The following ADARB1 variants were observed in gnomAD, a reference collection of about 807,000 sequenced individuals.
ADARB1 encodes the protein double-stranded RNA-specific editase 1.
In ADARB1, 10 loss-of-function variants were observed where a neutral mutation model predicts 52.4. That is an observed-to-expected ratio of 0.19 (90% confidence interval 0.12 to 0.32). The LOEUF (loss-of-function observed/expected upper bound fraction) is 0.32. Ranked by LOEUF, ADARB1 falls within the 10% of genes least tolerant of loss-of-function variation. ADARB1 has a pLI of 1.00. For missense variants in ADARB1, 643 were observed against 922.3 expected (o/e 0.70, Z 3.92); for synonymous variants, 349 against 371.1 (o/e 0.94, Z 0.68).
At position 45,176,387 on chromosome 21, in the gene ADARB1, C is replaced by G; in HGVS notation, c.686C>G (p.Pro229Arg). 1 of 1,614,208 alleles carries G rather than the reference C, an allele frequency of 6.2e-7. No homozygotes were observed. The highest frequency in any genetic ancestry group is 8.5e-7 in the Non-Finnish European group (1 of 1,180,036). Residue 229 changes from proline to arginine, a missense_variant, in exon 4 of 11, where the codon CCA becomes CGA. Around this residue, in one of 2 missense-constraint regions of ADARB1, gnomAD observed 380 missense variants for 446.5 expected, o/e 0.85. Transcript: ENST00000348831. The surrounding 1 kb of genome is among the most constrained non-coding windows in gnomAD (Gnocchi z 5.8). ...QPPLPVLPPF[P>R]PPSGKNPVMI... is the part of the protein sequence containing the mutation. ...CCTCTCCCTGTCTTACCACCATTCC[C>G]ACCCCCGAGTGGGAAGAATCCCGTG...
chr21:45,225,451 GA>G lies in ADARB1; in HGVS notation c.*3256del. On this transcript the variant is annotated 3_prime_UTR_variant, in exon 11 of 11. Transcript: ENST00000348831. ...ATCTCACAAGGCATGGATTTCTGTG[GA>G]ATTTATTTTTATTCAAATAACCATA... 2 of 1,306,846 alleles carry G rather than the reference GA, an allele frequency of 1.5e-6. No homozygotes were observed. Among genetic ancestry groups the G allele is most frequent in the Non-Finnish European group, 2.0e-6 (2 of 1,021,302 alleles). The allele number at this position is 1,306,846 out of a possible 1,614,324, so 81.0% of individuals were successfully genotyped here. A position where few individuals can be genotyped will look rare whatever the true frequency, so the allele number is the denominator to read the frequency against.
intron 2 of ADARB1, among the ~76,000 whole-genome samples, chr21:45,139,508 A>G (rs867576884): frequency 1.3e-5 from 2 of 151,566 alleles, no homozygotes; most frequent in South Asian, 2.1e-4. Flanking sequence ...CCTGGCATGG[A>G]GTGGTAGAGC....
chr21:45,081,643 G>A (rs1202666859), intron 1 of ADARB1, among the ~76,000 whole-genome samples: 2 of 152,138 alleles, frequency 1.3e-5, no homozygotes, highest in African/African-American at 2.4e-5. Context: ...TGTCTTTATT[G>A]GCATGACCGA....
intron 1 of ADARB1, among the ~76,000 whole-genome samples, chr21:45,084,450 G>A (rs2086263590): frequency 6.6e-6 from 1 of 152,208 alleles, no homozygotes. Context: ...TTAGGAGGCA[G>A]GATTGAGAGA....
In ADARB1 at chr21:45,083,889, C is replaced by T. The variant is rs547717776; in HGVS notation, c.-220+9096C>T. On this transcript the variant is annotated intron_variant, in intron 1 of 10. Coordinates refer to ENST00000348831, the MANE Select transcript of ADARB1 (RefSeq NM_001112.4). ...CTAATTTTTGTATTTTTTGTAGAGACGGGGTTTTACCGTGTTGCCCAGGCT... is the reference window on the plus strand; with the variant it reads ...CTAATTTTTGTATTTTTTGTAGAGATGGGGTTTTACCGTGTTGCCCAGGCT... 2.6e-3 allele frequency among the ~76,000 whole-genome samples: 396 copies of T among 152,228 alleles called. 1 individual carries two copies. The highest frequency in any genetic ancestry group is 2.9e-3 in the Non-Finnish European group (199 of 68,020).
rs3215898 is a variant in ADARB1 at position 45,204,519 on chromosome 21, GA to G, written c.1566-35del. The stretch of plus-strand genomic sequence containing the variant: ...GCTGGGCTGCGTCGACACTGAGTCC[GA>G]GCTCCCTGAAGACTGTGCTTTCTTC... On this transcript the variant is annotated intron_variant, in intron 8 of 10. Coordinates refer to ENST00000348831, the MANE Select transcript of ADARB1 (RefSeq NM_001112.4). The surrounding 1 kb of genome is among the most constrained non-coding windows in gnomAD (Gnocchi z 4.4). 0.094 allele frequency: 151,331 copies of G among 1,605,974 alleles called. 9,406 individuals carry two copies. Among genetic ancestry groups the G allele is most frequent in the African/African-American group, 0.28 (20,985 of 74,860 alleles).
intron 8 of ADARB1, among the ~76,000 whole-genome samples, chr21:45,193,623 A>G (rs1299404034): frequency 2.0e-5 from 3 of 152,260 alleles, no homozygotes; most frequent in Non-Finnish European, 4.4e-5. Flanking sequence ...ATACTTATCT[A>G]TGTAGGAAAT....
At chr21:45,168,159 C>G (rs2091330863) in intron 2 of ADARB1, among the ~76,000 whole-genome samples, 1 of 152,012 alleles carries the variant, frequency 6.6e-6, no homozygotes, top group Admixed American at 6.5e-5. Flanking sequence ...TCTTCGTGTC[C>G]TTTGCCCATT....
intron 2 of ADARB1, among the ~76,000 whole-genome samples, chr21:45,163,704 C>T (rs2091101904): frequency 6.6e-6 from 1 of 152,202 alleles, no homozygotes; most frequent in Admixed American, 6.5e-5. Context: ...CTGGGGGCTG[C>T]TGGGGCCTAT....
rs183543242 is a variant in ADARB1, at chr21:45,081,195, G to A, written c.-220+6402G>A. ...GAGTGCCTGCTCTGTGTGAGTCATCGTGGGAGGATGCGGTGGAGAAGGACA... is the reference window on the plus strand; with the variant it reads ...GAGTGCCTGCTCTGTGTGAGTCATCATGGGAGGATGCGGTGGAGAAGGACA... On this transcript the variant is annotated intron_variant, in intron 1 of 10. Transcript: ENST00000348831. Among the ~76,000 whole-genome samples the A allele has an allele frequency of 5.3e-5, 8 of 152,250 alleles. No individual in the cohort carries two copies. The East Asian group carries it at 9.7e-4, about 18-fold the overall frequency.
chr21:45,212,738 G>C (rs909398659), intron 9 of ADARB1, among the ~76,000 whole-genome samples: 2 of 152,060 alleles, frequency 1.3e-5, no homozygotes, highest in Non-Finnish European at 2.9e-5. Context: ...AAGAAACCAT[G>C]CCAGCTACTT....
chr21:45,101,726 C>T (rs1283367894), intron 1 of ADARB1, among the ~76,000 whole-genome samples: 1 of 152,106 alleles, frequency 6.6e-6, no homozygotes, highest in Non-Finnish European at 1.5e-5. Context: ...ATACTTAATA[C>T]ACAAGCTTTT....
intron 8 of ADARB1, among the ~76,000 whole-genome samples, chr21:45,196,033 A>G (rs903502859): frequency 6.6e-6 from 1 of 152,226 alleles, no homozygotes; most frequent in African/African-American, 2.4e-5. Flanking sequence ...TAAATATGGA[A>G]TATCCATTTA....
chr21:45,125,713 C>T (rs542418148), intron 1 of ADARB1, among the ~76,000 whole-genome samples: 3 of 152,378 alleles, frequency 2.0e-5, no homozygotes, highest in East Asian at 3.9e-4. Flanking sequence ...GGCTTTTTCT[C>T]TTGTGTTCCC....
chr21:45,180,673 TTAA>T (rs2091899589), intron 5 of ADARB1, among the ~76,000 whole-genome samples: 1 of 152,222 alleles, frequency 6.6e-6, no homozygotes, highest in South Asian at 2.1e-4. Context: ...GCACACTATA[TTAA>T]TATTTGATTC....
chr21:45,116,959 AC>A (rs1740481446), intron 1 of ADARB1: 1 of 151,852 alleles, frequency 6.6e-6, no homozygotes, highest in African/African-American at 2.4e-5. Context: ...TGGTTACTCT[AC>A]CTATTTGTGT....
intron 1 of ADARB1, among the ~76,000 whole-genome samples, chr21:45,107,362 G>A (rs1315692322): frequency 1.3e-5 from 2 of 152,030 alleles, no homozygotes; most frequent in African/African-American, 4.8e-5. Context: ...TCTTGGGCTG[G>A]ACATGTCGAT....
rs1235989531 is a variant in ADARB1 at position 45,204,955 on chromosome 21, A to G, written c.1747+219A>G. Among the ~76,000 whole-genome samples the G allele has an allele frequency of 6.6e-6, 1 of 152,076 alleles. No homozygotes were observed. Among genetic ancestry groups the G allele is most frequent in the Non-Finnish European group, 1.5e-5 (1 of 68,016 alleles). ...TCTGTAAGATTAATCTCCTTTACCA[A>G]TCACAAACCTAGCCATTCATAGAAG... On this transcript the variant is annotated intron_variant, in intron 9 of 10. Transcript: ENST00000348831. This position sits in a 1 kb window ranked among gnomAD's most constrained non-coding sequence, Gnocchi z 4.4.
At chr21:45,090,714 C>G (rs1456656932) in intron 1 of ADARB1, among the ~76,000 whole-genome samples, 4 of 152,200 alleles carry the variant, frequency 2.6e-5, no homozygotes, top group Admixed American at 6.5e-5. Context: ...CACTCCTACC[C>G]TCCCCAGGAG....
Sources: allele counts gnomAD v4.1 joint callset (sites outside exome capture counted in the v4.1 genomes callset), GRCh38; gene constraint gnomAD v4.1.1; regional missense constraint gnomAD v4.1.1; non-coding constraint Gnocchi (gnomAD v3.1); transcripts MANE v1.5; gene names NCBI Gene and HGNC (gene_info 2026-07-23, HGNC 2026-07-21).